CCNY: variants seen among roughly 807,000 people sequenced by gnomAD.
CCNY encodes cyclin Y.
Under a neutral mutation model 42.8 loss-of-function variants are expected in CCNY, and 19 were observed. The ratio of observed to expected loss-of-function variants is 0.44; its 90% CI spans 0.31 to 0.65. CCNY has a LOEUF of 0.65. CCNY is among the 30% of genes least tolerant of loss of function. The pLI is 0.07. For missense variants in CCNY, 370 were observed against 437.3 expected (o/e 0.85, Z 1.37); for synonymous variants, 165 against 162.7 (o/e 1.01, Z -0.11).
chr10:35,315,529 T>C (rs991942836), intron 3 of CCNY: 1 of 152,274 alleles, frequency 6.6e-6, no homozygotes, highest in African/African-American at 2.4e-5. Context: ...AGCATTTAGG[T>C]TGATTCCATG....
chr10:35,286,995 G>A (rs1473921462), intron 3 of CCNY, among the ~76,000 whole-genome samples: 2 of 152,172 alleles, frequency 1.3e-5, no homozygotes, highest in African/African-American at 2.4e-5. Context: ...ATCAAAAAGA[G>A]CAACCTCTTA....
At chr10:35,509,006 T>C (rs529675593) in intron 3 of CCNY, among the ~76,000 whole-genome samples, 123 of 152,298 alleles carry the variant, frequency 8.1e-4, no homozygotes, top group African/African-American at 2.6e-3. Flanking sequence ...CTTTTGTGAG[T>C]GGCTTCTTTC....
chr10:35,312,886 G>T (rs1416870493), intron 3 of CCNY, among the ~76,000 whole-genome samples: 1 of 151,598 alleles, frequency 6.6e-6, no homozygotes, highest in Non-Finnish European at 1.5e-5. Flanking sequence ...AAAATGCCAG[G>T]ATTACAGGCA....
chr10:35,568,897 C>G (rs1309519010), intron 9 of CCNY, among the ~76,000 whole-genome samples, 157 bp from the exon 10 acceptor site: 1 of 152,250 alleles, frequency 6.6e-6, no homozygotes, highest in Non-Finnish European at 1.5e-5. Flanking sequence ...CCCTTCGTAT[C>G]TCCCTGCTGC....
intron 3 of CCNY, among the ~76,000 whole-genome samples, chr10:35,252,775 C>T (rs938095513): frequency 1.3e-5 from 2 of 152,012 alleles, no homozygotes; most frequent in African/African-American, 2.4e-5. Context: ...TGTTGTCATC[C>T]AAATGACTTT....
intron 1 of CCNY, among the ~76,000 whole-genome samples, chr10:35,364,082 T>A (rs993149227): frequency 6.6e-6 from 1 of 152,152 alleles, no homozygotes; most frequent in Non-Finnish European, 1.5e-5. Flanking sequence ...AAGATCTGAG[T>A]GTTCTGATCT....
intron 7 of CCNY, among the ~76,000 whole-genome samples, chr10:35,543,750 C>T (rs989476230): frequency 6.6e-6 from 1 of 151,788 alleles, no homozygotes; most frequent in African/African-American, 2.4e-5. Flanking sequence ...GCAGGTCCTT[C>T]AGGAGGTGTT....
In CCNY at chr10:35,571,969, T is replaced by A. The variant is rs975137493; in HGVS notation, c.*2799T>A. 3 of 152,222 alleles carry A rather than the reference T, an allele frequency of 2.0e-5. No individual in the cohort carries two copies. Among genetic ancestry groups the A allele is most frequent in the African/African-American group, 7.2e-5 (3 of 41,562 alleles). 9.4% of individuals were successfully genotyped at this position (152,222 alleles called of 1,614,324 possible). ...GATTTGTTTTACTTTTCTTATTTTT[T>A]TTTTTTTAACTAGAAAAAGGGAAAG... is the stretch of plus-strand genomic sequence containing the variant. On this transcript the variant is annotated 3_prime_UTR_variant, in exon 10 of 10. Coordinates refer to ENST00000374704, the MANE Select transcript of CCNY (RefSeq NM_145012.6).
Position 35,452,556 on chromosome 10 carries a change from C to G in CCNY, c.155-30848C>G, listed in dbSNP as rs142745441. On this transcript the variant is annotated intron_variant, in intron 1 of 9. Coordinates refer to ENST00000374704, the MANE Select transcript of CCNY (RefSeq NM_145012.6). ...ATTTTTATTGTTTGTTTTACCATTT[C>G]ATGGTGTTCATACTAGCCCCTTTTC... Among the ~76,000 whole-genome samples, 1,398 of 152,232 alleles carry G rather than the reference C, an allele frequency of 9.2e-3. 9 individuals carry two copies. The highest frequency in any genetic ancestry group is 0.017 in the Middle Eastern group (5 of 294).
intron 1 of CCNY, among the ~76,000 whole-genome samples, chr10:35,460,451 T>TACACACAC (rs57760757): frequency 1.3e-4 from 20 of 150,868 alleles, no homozygotes; most frequent in South Asian, 4.2e-4. Flanking sequence ...ATTGTATATG[T>TACACACAC]ACACACACAC....
chr10:35,389,055 A>G (rs921157989), intron 1 of CCNY, among the ~76,000 whole-genome samples: 11 of 152,222 alleles, frequency 7.2e-5, no homozygotes, highest in Admixed American at 2.6e-4. Flanking sequence ...CTTTAATTCC[A>G]TCTGCAACCT....
At chr10:35,287,599 G>A (rs764921497) in intron 3 of CCNY, among the ~76,000 whole-genome samples, 2 of 152,032 alleles carry the variant, frequency 1.3e-5, no homozygotes, top group Non-Finnish European at 2.9e-5. Flanking sequence ...ACTTTTTTGT[G>A]TCTAGCTTCT....
At chr10:35,288,947 T>C (rs1293507943) in intron 3 of CCNY, among the ~76,000 whole-genome samples, 1 of 152,220 alleles carries the variant, frequency 6.6e-6, no homozygotes, top group Non-Finnish European at 1.5e-5. Context: ...TGGTATTCAA[T>C]GTACATTTTA....
intron 2 of CCNY, among the ~76,000 whole-genome samples, chr10:35,498,990 G>A (rs1029227128): frequency 1.3e-5 from 2 of 152,152 alleles, no homozygotes; most frequent in African/African-American, 4.8e-5. Flanking sequence ...GTGAACTTTC[G>A]TTTTTCTTCA....
intron 1 of CCNY, among the ~76,000 whole-genome samples, chr10:35,422,404 T>C (rs1360489100): frequency 6.6e-6 from 1 of 152,192 alleles, no homozygotes; most frequent in Admixed American, 6.5e-5. Flanking sequence ...GCATGACTGA[T>C]TGTGTGGCCT....
At chr10:35,295,546 A>C (rs1363328185) in intron 3 of CCNY, among the ~76,000 whole-genome samples, 1 of 152,008 alleles carries the variant, frequency 6.6e-6, no homozygotes, top group Non-Finnish European at 1.5e-5. Context: ...CATTACAAAC[A>C]GAAACTCTAT....
chr10:35,264,731 T>C (rs1315934085), intron 3 of CCNY, among the ~76,000 whole-genome samples: 1 of 152,154 alleles, frequency 6.6e-6, no homozygotes, highest in Non-Finnish European at 1.5e-5. Flanking sequence ...CTCGGGTCAC[T>C]GCAACCTCAG....
intron 3 of CCNY, among the ~76,000 whole-genome samples, chr10:35,271,814 T>C (rs186264067): frequency 8.6e-4 from 131 of 152,316 alleles, no homozygotes; most frequent in African/African-American, 2.8e-3. Context: ...AATTAACCTC[T>C]GGCTTACACC....
intron 7 of CCNY, among the ~76,000 whole-genome samples, chr10:35,537,061 A>G (rs188204398): frequency 6.6e-6 from 1 of 152,250 alleles, no homozygotes; most frequent in East Asian, 1.9e-4. Flanking sequence ...TTCCTGTGCT[A>G]TGTGCAGTCT....
Sources: gnomAD v4.1 joint callset for allele counts (sites outside exome capture counted in the v4.1 genomes callset) on GRCh38, gnomAD v4.1.1 for gene constraint, MANE v1.5 for transcripts, NCBI Gene and HGNC (gene_info 2026-07-23, HGNC 2026-07-21) for gene names.